Variants in HYDIN observed in about 807,000 individuals in gnomAD.
HYDIN encodes the protein HYDIN axonemal central pair apparatus protein.
A neutral mutation model predicts 403.9 loss-of-function variants in HYDIN; 132 were observed. That is an observed-to-expected ratio of 0.33 (90% CI 0.28 to 0.38). The LOEUF is 0.38. Ranked by LOEUF, HYDIN falls within the 10% of genes least tolerant of loss-of-function variation. The probability of loss-of-function intolerance (pLI) is 1.00; values close to 1 mark genes in which losing one functional copy is unlikely to be tolerated. For synonymous variants in HYDIN, 1,202 were observed against 1,891.7 expected (o/e 0.64, Z 9.46); for missense variants, 2,827 against 5,009.5 (o/e 0.56, Z 13.15).
rs776672020 is a variant in HYDIN, at chr16:70,883,983, G to C, written c.9916C>G (p.Arg3306Gly). 1 of 1,614,124 alleles carries C rather than the reference G, an allele frequency of 6.2e-7. No individual in the cohort carries two copies. Among genetic ancestry groups the C allele is most frequent in the Non-Finnish European group, 8.5e-7 (1 of 1,180,042 alleles). Residue 3306 changes from arginine to glycine, a missense_variant, in exon 59 of 86, where the codon CGA (arginine) becomes GGA (glycine). Physicochemically the swap from Arg to Gly is moderately radical, Grantham distance 125 (BLOSUM62 -2). Coordinates refer to ENST00000393567, the MANE Select transcript of HYDIN (RefSeq NM_001270974.2). ...EEFIAIDISG[R>G]DPAVHPAGIL... is the part of the protein sequence containing the mutation. ...CCGGCAGGGTGGACTGCAGGGTCTC[G>C]GCCGGAGATATCGATGGCTATAAAC...
chr16:71,178,674 C>G (rs187518373), intron 4 of HYDIN, among the ~76,000 whole-genome samples: 1 of 152,000 alleles, frequency 6.6e-6, no homozygotes, highest in Non-Finnish European at 1.5e-5. Flanking sequence ...TCTGGTCAAT[C>G]CTTTAATCAA....
intron 21 of HYDIN, among the ~76,000 whole-genome samples, chr16:71,024,254 C>T (rs958279481): frequency 6.6e-6 from 1 of 152,214 alleles, no homozygotes; most frequent in Non-Finnish European, 1.5e-5. Context: ...CTTTTGCCAT[C>T]CTTGGCACAT....
intron 18 of HYDIN, among the ~76,000 whole-genome samples, chr16:71,045,401 A>T (rs1345305324): frequency 1.3e-5 from 2 of 152,192 alleles, no homozygotes; most frequent in Non-Finnish European, 2.9e-5. Context: ...CAATTGTTCT[A>T]CTGCTTGATT....
At chr16:71,093,195 G>A (rs1597758008) in intron 11 of HYDIN, among the ~76,000 whole-genome samples, 1 of 152,234 alleles carries the variant, frequency 6.6e-6, no homozygotes, top group Non-Finnish European at 1.5e-5. Flanking sequence ...ACAGTCTGAT[G>A]TAATGTAAAA....
Position 70,805,695 on chromosome 16 carries a change from G to C in HYDIN, c.*1885C>G, listed in dbSNP as rs2035077383. 6.6e-6 allele frequency among the ~76,000 whole-genome samples: 1 copy of C among 152,156 alleles called. No homozygotes were observed. Among genetic ancestry groups the C allele is most frequent in the Admixed American group, 6.5e-5 (1 of 15,272 alleles). On this transcript the variant is annotated 3_prime_UTR_variant, in exon 86 of 86. Transcript: ENST00000393567. ...ATCCTCTCAGATTATTGGTCAGAGC[G>C]ATCTTTGCTCACTTAACCATTGTGA...
rs373980477 is a variant in HYDIN at position 70,961,973 on chromosome 16, T to G, written c.5954A>C (p.Lys1985Thr). 75 of 1,242,668 alleles carry G rather than the reference T, an allele frequency of 6.0e-5. No individual in the cohort carries two copies. Among genetic ancestry groups the G allele is most frequent in the Middle Eastern group, 2.2e-4 (1 of 4,506 alleles). The allele number at this position is 1,242,668 out of a possible 1,614,324, so 77.0% of individuals were successfully genotyped here. A position where few individuals can be genotyped will look rare whatever the true frequency, so the allele number is the denominator to read the frequency against. ...EEEEDEESLEKIIFQTDKLQS... is the reference protein window; with the variant it reads ...EEEEDEESLETIIFQTDKLQS... Reference sequence around the variant, plus strand: ...TGCTCGGTTACTTTGGAAAATGATTTTTTCCAGGCTTTCCTCATCCTCCTC... The same window carrying G: ...TGCTCGGTTACTTTGGAAAATGATTGTTTCCAGGCTTTCCTCATCCTCCTC... The change falls in exon 38 of 86, where the codon AAA (lysine) becomes ACA (threonine). Residue 1985 changes from lysine to threonine, a missense_variant. Physicochemically the swap from Lys to Thr is moderately conservative, Grantham distance 78. Coordinates refer to ENST00000393567, the MANE Select transcript of HYDIN (RefSeq NM_001270974.2).
intron 60 of HYDIN, among the ~76,000 whole-genome samples, chr16:70,881,946 T>C (rs1425023781): frequency 2.0e-5 from 3 of 152,222 alleles, no homozygotes; most frequent in Non-Finnish European, 2.9e-5. Context: ...AAGACCTCTC[T>C]TGGTATCCTG....
At chr16:71,127,800 C>T (rs1359780696) in intron 9 of HYDIN, among the ~76,000 whole-genome samples, 2 of 152,200 alleles carry the variant, frequency 1.3e-5, no homozygotes, top group Non-Finnish European at 2.9e-5. Flanking sequence ...CCCAGCTCAG[C>T]CACCTGCTTG....
intron 23 of HYDIN, among the ~76,000 whole-genome samples, chr16:70,995,044 T>C (rs910378233): frequency 1.2e-4 from 18 of 151,828 alleles, no homozygotes; most frequent in Admixed American, 2.0e-4. Context: ...ACCTGGACAA[T>C]TGGGAAGTAA....
At chr16:71,168,619 T>C (rs2086341936) in intron 5 of HYDIN, among the ~76,000 whole-genome samples, 1 of 152,124 alleles carries the variant, frequency 6.6e-6, no homozygotes, top group East Asian at 1.9e-4. Flanking sequence ...ATTCCTGCTC[T>C]ACCATTCTAG....
intron 47 of HYDIN, among the ~76,000 whole-genome samples, chr16:70,916,461 C>T (rs1460776150): frequency 6.6e-6 from 1 of 152,098 alleles, no homozygotes; most frequent in African/African-American, 2.4e-5. Context: ...CTTCCTTTCC[C>T]ACTTCTGCAG....
intron 10 of HYDIN, among the ~76,000 whole-genome samples, chr16:71,103,082 T>C (rs1221272549): frequency 7.6e-6 from 1 of 131,798 alleles, no homozygotes; most frequent in Non-Finnish European, 1.6e-5. Context: ...ATAGAGTTTC[T>C]GGATGGGCTG....
Position 70,902,480 on chromosome 16 carries a change from T to C in HYDIN, c.8849+1145A>G, listed in dbSNP as rs561369391. On this transcript the variant is annotated intron_variant, in intron 52 of 85. Coordinates refer to ENST00000393567, the MANE Select transcript of HYDIN (RefSeq NM_001270974.2). ...AATACAAAAAGTTAGCTGGGTGTGGTGGCACATGCCCACCCATAATCCCAG... is the reference window on the plus strand; with the variant it reads ...AATACAAAAAGTTAGCTGGGTGTGGCGGCACATGCCCACCCATAATCCCAG... Among the ~76,000 whole-genome samples, 313 of 149,870 alleles carry C rather than the reference T, an allele frequency of 2.1e-3. 1 individual carries two copies. Among genetic ancestry groups the C allele is most frequent in the Middle Eastern group, 3.4e-3 (1 of 294 alleles).
chr16:70,894,457 G>A lies in HYDIN; in HGVS notation c.9240C>T (p.Ile3080=), dbSNP rs78212832. 1 of 1,596,246 alleles carries A rather than the reference G, an allele frequency of 6.3e-7. No homozygotes were observed. Among genetic ancestry groups the A allele is most frequent in the Non-Finnish European group, 8.5e-7 (1 of 1,173,678 alleles). Residue 3080 remains isoleucine (I), a synonymous_variant, in exon 55 of 86, where the codon ATC becomes ATT. Coordinates refer to ENST00000393567, the MANE Select transcript of HYDIN (RefSeq NM_001270974.2). The part of the protein sequence containing the change: ...LQLKNRGKYE[I]AFSFSVDSVG... Reference sequence around the variant, plus strand: ...GATGGGATTCCAGTTACCTGAACGCGATCTCATATTTCCCACGGTTCTTCA... The same window carrying A: ...GATGGGATTCCAGTTACCTGAACGCAATCTCATATTTCCCACGGTTCTTCA...
chr16:70,992,205 A>T lies in HYDIN; in HGVS notation c.3650T>A (p.Val1217Glu). ...ACTGTAGGGCTTCTTCGGCAATGTC[A>T]CAAACCTACCAAAGCATGGGACAGG... ...VNDEENQIRF[V>E]TLPKKPYSAP... The change falls in exon 24 of 86, where the codon GTG becomes GAG. Residue 1217 changes from valine to glutamate, a missense_variant. Transcript: ENST00000393567. 1 of 1,581,118 alleles carries T rather than the reference A, an allele frequency of 6.3e-7. No individual in the cohort carries two copies. Among genetic ancestry groups the T allele is most frequent in the Non-Finnish European group, 8.6e-7 (1 of 1,166,182 alleles).
intron 66 of HYDIN, among the ~76,000 whole-genome samples, chr16:70,868,040 G>A (rs2039864408): frequency 6.6e-6 from 1 of 152,164 alleles, no homozygotes; most frequent in African/African-American, 2.4e-5. Flanking sequence ...AACAAGTCAA[G>A]TCAAGATAGT....
chr16:71,107,275 G>T (rs951814751), intron 10 of HYDIN, among the ~76,000 whole-genome samples: 48 of 150,124 alleles, frequency 3.2e-4, no homozygotes, highest in Non-Finnish European at 5.5e-4. Flanking sequence ...TTGTGCACAT[G>T]TACCCTAGCA....
intron 67 of HYDIN, among the ~76,000 whole-genome samples, chr16:70,864,059 G>A (rs371508293): frequency 6.6e-6 from 1 of 151,816 alleles, no homozygotes; most frequent in African/African-American, 2.4e-5. Flanking sequence ...GGCTGGGTGC[G>A]GTGGCTCATG....
At chr16:71,125,233 A>G (rs1309447716) in intron 9 of HYDIN, among the ~76,000 whole-genome samples, 2 of 151,978 alleles carry the variant, frequency 1.3e-5, no homozygotes, top group African/African-American at 2.4e-5. Context: ...TCATGGCTTC[A>G]GTGAAGATCT....
Sources: gnomAD v4.1 joint callset for allele counts (sites outside exome capture counted in the v4.1 genomes callset) on GRCh38, gnomAD v4.1.1 for gene constraint, MANE v1.5 for transcripts, NCBI Gene and HGNC (gene_info 2026-07-23, HGNC 2026-07-21) for gene names.